The following ACTR1A variants were observed in gnomAD, a reference collection of about 807,000 sequenced individuals.
ACTR1A encodes actin related protein 1A.
ACTR1A carries 10 observed loss-of-function variants against 50.7 expected under a neutral mutation model. The ratio of observed to expected loss-of-function variants is 0.20; its 90% confidence interval spans 0.12 to 0.33. ACTR1A has a LOEUF of 0.33. ACTR1A is among the 10% of genes least tolerant of loss of function. ACTR1A has a pLI of 1.00. For synonymous variants in ACTR1A, 177 were observed against 184.2 expected (o/e 0.96, Z 0.32); for missense variants, 253 against 491.7 (o/e 0.51, Z 4.59).
In ACTR1A at chr10:102,482,632, G is replaced by A; in HGVS notation, c.750+379C>T. On this transcript the variant is annotated intron_variant, in intron 7 of 10. Transcript: ENST00000369905. This position sits in a 1 kb window ranked among gnomAD's most constrained non-coding sequence, Gnocchi z 5.6. ...CTGGCTGCCTCCTCTGCAGGAGACA[G>A]GGCCACTCATGCTCAGGAGCTCTGC... The A allele has an allele frequency of 3.5e-6, 1 of 286,760 alleles. No individual in the cohort carries two copies. The highest frequency in any genetic ancestry group is 4.4e-5 in the South Asian group (1 of 22,574). The allele number at this position is 286,760 out of a possible 1,614,324, so 17.8% of individuals were successfully genotyped here.
At position 102,488,396 on chromosome 10, in the gene ACTR1A, C is replaced by T. The variant is rs917562987; in HGVS notation, c.190-121G>A. On this transcript the variant is annotated intron_variant, in intron 3 of 10. Transcript: ENST00000369905. This position sits in a 1 kb window ranked among gnomAD's most constrained non-coding sequence, Gnocchi z 4.4. Reference sequence around the variant, plus strand: ...GAAGCCTCAGCTTCCTGAGCTTCCACCCTGCTGTCCTTGCCCAGGGCTAAG... The same window carrying T: ...GAAGCCTCAGCTTCCTGAGCTTCCATCCTGCTGTCCTTGCCCAGGGCTAAG... 4 of 1,406,502 alleles carry T rather than the reference C, an allele frequency of 2.8e-6. No homozygotes were observed. Among genetic ancestry groups the T allele is most frequent in the Non-Finnish European group, 9.8e-7 (1 of 1,018,734 alleles). The allele number at this position is 1,406,502 out of a possible 1,614,324, so 87.1% of individuals were successfully genotyped here. A position where few individuals can be genotyped will look rare whatever the true frequency, so the allele number is the denominator to read the frequency against.
At chr10:102,485,200 G>A (rs915605944) in intron 5 of ACTR1A, among the ~76,000 whole-genome samples, 2 of 152,232 alleles carry the variant, frequency 1.3e-5, no homozygotes, top group Admixed American at 1.3e-4. Context: ...CGGGGGATGG[G>A]AACAAGGACT....
Position 102,484,298 on chromosome 10 carries a change from G to A in ACTR1A, c.519C>T (p.Gly173=), listed in dbSNP as rs2062156766. The A allele has an allele frequency of 6.2e-7, 1 of 1,614,198 alleles. No homozygotes were observed. Among genetic ancestry groups the A allele is most frequent in the Admixed American group, 1.7e-5 (1 of 60,024 alleles). ...GVTHAVPIYE[G]FAMPHSIMRI... ...GCATGATGGAGTGGGGCATGGCAAA[G>A]CCCTCATAGATGGGCACAGCATGGG... The change falls in exon 6 of 11, where the codon GGC becomes GGT. Residue 173 remains glycine (G), a synonymous_variant. Transcript: ENST00000369905.
chr10:102,483,264 TG>T lies in ACTR1A; in HGVS notation c.658-162del, dbSNP rs1211613723. On this transcript the variant is annotated intron_variant, in intron 6 of 10. Coordinates refer to ENST00000369905, the MANE Select transcript of ACTR1A (RefSeq NM_005736.4). ...CCAGAAGCAGGGGCAGTGAGGTCTC[TG>T]TTGGCCTTCACTGGGTGGCATTTAG... is the stretch of plus-strand genomic sequence containing the variant. 3 of 643,932 alleles carry T rather than the reference TG, an allele frequency of 4.7e-6. No individual in the cohort carries two copies. The East Asian group carries it at 7.9e-5, about 17-fold the overall frequency. The allele number at this position is 643,932 out of a possible 1,614,324, so 39.9% of individuals were successfully genotyped here.
rs1370353511 is a variant in ACTR1A at position 102,488,090 on chromosome 10, G to A, written c.315+60C>T. ...CATCGTCCTCCTCATCATCTCTAGGGTAGGAGTTTGACACAGCTTTGCATA... is the reference window on the plus strand; with the variant it reads ...CATCGTCCTCCTCATCATCTCTAGGATAGGAGTTTGACACAGCTTTGCATA... On this transcript the variant is annotated intron_variant, in intron 4 of 10. Transcript: ENST00000369905. The surrounding 1 kb of genome is among the most constrained non-coding windows in gnomAD (Gnocchi z 4.4). 1.3e-6 allele frequency: 2 copies of A among 1,566,432 alleles called. No homozygotes were observed. The highest frequency in any genetic ancestry group is 1.8e-6 in the Non-Finnish European group (2 of 1,142,782).
At position 102,479,950 on chromosome 10, in the gene ACTR1A, G is replaced by A; in HGVS notation, c.*913C>T. ...AATCTCAAATGGTCCTGGAACCTGTGGACACTGTCAGCTCACCATCAGCTG... is the reference window on the plus strand; with the variant it reads ...AATCTCAAATGGTCCTGGAACCTGTAGACACTGTCAGCTCACCATCAGCTG... On this transcript the variant is annotated 3_prime_UTR_variant, in exon 11 of 11. Coordinates refer to ENST00000369905, the MANE Select transcript of ACTR1A (RefSeq NM_005736.4). The surrounding 1 kb of genome is among the most constrained non-coding windows in gnomAD (Gnocchi z 4.0). The A allele has an allele frequency of 3.8e-6, 1 of 261,318 alleles. No homozygotes were observed. The highest frequency in any genetic ancestry group is 7.8e-6 in the Non-Finnish European group (1 of 127,680). The allele number at this position is 261,318 out of a possible 1,614,324, so 16.2% of individuals were successfully genotyped here. A position where few individuals can be genotyped will look rare whatever the true frequency, so the allele number is the denominator to read the frequency against.
intron 1 of ACTR1A, among the ~76,000 whole-genome samples, chr10:102,498,519 T>C (rs935131150): frequency 2.0e-5 from 3 of 152,122 alleles, no homozygotes; most frequent in Non-Finnish European, 4.4e-5. Flanking sequence ...TTTGTTTTTG[T>C]TTTTAAATAG....
intron 5 of ACTR1A, 85 bp from the exon 6 acceptor site, chr10:102,484,461 G>A: frequency 8.2e-7 from 1 of 1,217,738 alleles, no homozygotes. Flanking sequence ...TTCAATGTCA[G>A]CTAAACTAAA....
At position 102,482,600 on chromosome 10, in the gene ACTR1A, C is replaced by T. The variant is rs74445819; in HGVS notation, c.750+411G>A. 32 of 265,372 alleles carry T rather than the reference C, an allele frequency of 1.2e-4. No individual in the cohort carries two copies. Among genetic ancestry groups the T allele is most frequent in the African/African-American group, 6.0e-4 (27 of 45,084 alleles). The allele number at this position is 265,372 out of a possible 1,614,324, so 16.4% of individuals were successfully genotyped here. On this transcript the variant is annotated intron_variant, in intron 7 of 10. Coordinates refer to ENST00000369905, the MANE Select transcript of ACTR1A (RefSeq NM_005736.4). The surrounding 1 kb of genome is among the most constrained non-coding windows in gnomAD (Gnocchi z 5.6). The stretch of plus-strand genomic sequence containing the variant: ...CTTCCTCCCCTCTAGCGGGAGGGAG[C>T]AAAGTTCTGGCTGCCTCCTCTGCAG...
At chr10:102,501,294 TCC>T (rs1481220591) in intron 1 of ACTR1A, among the ~76,000 whole-genome samples, 1 of 152,226 alleles carries the variant, frequency 6.6e-6, no homozygotes, top group Non-Finnish European at 1.5e-5. Flanking sequence ...TTATTTAACA[TCC>T]CTGCATACAC....
intron 1 of ACTR1A, 48 bp downstream of exon 1, chr10:102,502,552 G>C (rs994674252): frequency 6.2e-7 from 1 of 1,602,840 alleles, no homozygotes; most frequent in Non-Finnish European, 8.5e-7. Context: ...CGATCCTTTC[G>C]AGGAGGAGAG....
chr10:102,479,758 G>T lies in ACTR1A; in HGVS notation c.*1105C>A. The T allele has an allele frequency of 9.0e-7, 1 of 1,109,784 alleles. No individual in the cohort carries two copies. The highest frequency in any genetic ancestry group is 1.2e-6 in the Non-Finnish European group (1 of 839,278). The allele number at this position is 1,109,784 out of a possible 1,614,324, so 68.7% of individuals were successfully genotyped here. ...ATTGCAGCTTTCTCCAGTCTTAAGG[G>T]CACTGGCTCTCCAACACCCCTCCCT... On this transcript the variant is annotated 3_prime_UTR_variant, in exon 11 of 11. Coordinates refer to ENST00000369905, the MANE Select transcript of ACTR1A (RefSeq NM_005736.4). The surrounding 1 kb of genome is among the most constrained non-coding windows in gnomAD (Gnocchi z 4.0).
rs1160781906 is a variant in ACTR1A, at chr10:102,488,775, A to G, written c.189+288T>C. ...AAAAATAATAAACACAGTAAATTTG[A>G]TCACTGACAAGGCAGTGACAGGATG... On this transcript the variant is annotated intron_variant, in intron 3 of 10. Transcript: ENST00000369905. This position sits in a 1 kb window ranked among gnomAD's most constrained non-coding sequence, Gnocchi z 4.4. Among the ~76,000 whole-genome samples, 1 of 152,196 alleles carries G rather than the reference A, an allele frequency of 6.6e-6. No homozygotes were observed. The highest frequency in any genetic ancestry group is 2.4e-5 in the African/African-American group (1 of 41,442).
At position 102,502,653 on chromosome 10, in the gene ACTR1A, A is replaced by C; in HGVS notation, c.-6T>G. The C allele has an allele frequency of 6.2e-7, 1 of 1,614,212 alleles. No individual in the cohort carries two copies. Among genetic ancestry groups the C allele is most frequent in the Non-Finnish European group, 8.5e-7 (1 of 1,180,016 alleles). On this transcript the variant is annotated 5_prime_UTR_variant, in exon 1 of 11. Coordinates refer to ENST00000369905, the MANE Select transcript of ACTR1A (RefSeq NM_005736.4). Reference sequence around the variant, plus strand: ...ATCACATCGTAGGACTCCATGGCAGAGGAATCTCTCCTTCTGGGGAAGGAA... The same window carrying C: ...ATCACATCGTAGGACTCCATGGCAGCGGAATCTCTCCTTCTGGGGAAGGAA...
chr10:102,502,243 T>G (rs1055049184), intron 1 of ACTR1A, among the ~76,000 whole-genome samples: 16 of 152,162 alleles, frequency 1.1e-4, no homozygotes, highest in Non-Finnish European at 2.2e-4. Flanking sequence ...TAAGAGGCGG[T>G]ATCATTGGCT....
chr10:102,481,223 CT>C lies in ACTR1A; in HGVS notation c.988-52del, dbSNP rs776145600. On this transcript the variant is annotated intron_variant, in intron 9 of 10. Transcript: ENST00000369905. ...CTGAGACTTCCAGCCCTCCCGCTCC[CT>C]TTCCCTACAATGCTCCTCTTTCTGC... 24 of 1,518,582 alleles carry C rather than the reference CT, an allele frequency of 1.6e-5. No individual in the cohort carries two copies. The African/African-American group carries it at 2.4e-4, about 15-fold the overall frequency. 94.1% of individuals were successfully genotyped at this position (1,518,582 alleles called of 1,614,324 possible).
intron 1 of ACTR1A, among the ~76,000 whole-genome samples, chr10:102,495,300 T>A (rs867873252): frequency 6.6e-6 from 1 of 151,972 alleles, no homozygotes; most frequent in African/African-American, 2.4e-5. Flanking sequence ...CCAGGCGCAG[T>A]AGCTCACACC....
Position 102,482,288 on chromosome 10 carries a change from G to A in ACTR1A, c.751-113C>T. 1.9e-6 allele frequency: 2 copies of A among 1,027,544 alleles called. No homozygotes were observed. Among genetic ancestry groups the A allele is most frequent in the African/African-American group, 1.6e-5 (1 of 62,878 alleles). The allele number at this position is 1,027,544 out of a possible 1,614,324, so 63.7% of individuals were successfully genotyped here. ...ACTTAGTAACTGGGTGGCTATGAAG[G>A]CCAGGCTCAAGACAGACTCTACATG... On this transcript the variant is annotated intron_variant, in intron 7 of 10. Coordinates refer to ENST00000369905, the MANE Select transcript of ACTR1A (RefSeq NM_005736.4). The surrounding 1 kb of genome is among the most constrained non-coding windows in gnomAD (Gnocchi z 5.6).
At chr10:102,491,389 C>T (rs1383720963) in intron 1 of ACTR1A, among the ~76,000 whole-genome samples, 3 of 152,302 alleles carry the variant, frequency 2.0e-5, no homozygotes, top group Middle Eastern at 3.4e-3. Context: ...TGACAGACAC[C>T]GCCATGAGCA....
Sources: gnomAD v4.1 joint callset for allele counts (sites outside exome capture counted in the v4.1 genomes callset) on GRCh38, gnomAD v4.1.1 for gene constraint, Gnocchi (gnomAD v3.1) non-coding constraint, MANE v1.5 for transcripts, NCBI Gene and HGNC (gene_info 2026-07-23, HGNC 2026-07-21) for gene names.